The following AGBL1 variants were observed in gnomAD, a reference collection of about 807,000 sequenced individuals.
The protein encoded by AGBL1 is cytosolic carboxypeptidase 4.
AGBL1 carries 130 observed loss-of-function variants against 118.9 expected under a neutral mutation model. That is an observed-to-expected ratio of 1.09 (90% CI 0.95 to 1.26). AGBL1 has a LOEUF of 1.26. AGBL1 is among the 50% of genes most tolerant of loss of function. AGBL1 has a pLI of 0.00. For missense variants in AGBL1, 1,584 were observed against 1,298.1 expected (o/e 1.22, Z -3.38); for synonymous variants, 555 against 478.9 (o/e 1.16, Z -2.08).
At chr15:86,085,171 A>G (rs1357093283) in intron 1 of AGBL1, among the ~76,000 whole-genome samples, 1 of 152,232 alleles carries the variant, frequency 6.6e-6, no homozygotes, top group Non-Finnish European at 1.5e-5. Flanking sequence ...AGAAAATTTT[A>G]TGGAAGTTGG....
intron 17 of AGBL1, among the ~76,000 whole-genome samples, chr15:86,348,316 G>A (rs559363100): frequency 3.9e-5 from 6 of 152,190 alleles, no homozygotes; most frequent in Non-Finnish European, 7.4e-5. Context: ...AACCAGCCCC[G>A]CCTTGACCCC....
chr15:86,387,336 G>T lies in AGBL1; in HGVS notation c.2375-10030G>T, dbSNP rs143913537. On this transcript the variant is annotated intron_variant, in intron 17 of 22. Coordinates refer to ENST00000614907, the MANE Select transcript of AGBL1 (RefSeq NM_001386094.1). ...GGAGTGACAGGAAAGGAGACCAATT[G>T]GCTGGGCCAGCTGGAGTGGGGTACA... Among the ~76,000 whole-genome samples, 124 of 152,286 alleles carry T rather than the reference G, an allele frequency of 8.1e-4. 3 individuals are homozygous for T. In the Middle Eastern group the frequency reaches 0.014, roughly 17 times the overall value.
upstream of AGBL1, chr15:86,079,724 T>A: frequency 5.9e-6 from 2 of 340,942 alleles, no homozygotes; most frequent in Non-Finnish European, 1.1e-5. Context: ...TCCCCACCCC[T>A]GCACCCAAAT....
chr15:86,285,875 T>C (rs894764329), intron 16 of AGBL1, among the ~76,000 whole-genome samples: 2 of 152,196 alleles, frequency 1.3e-5, no homozygotes, highest in African/African-American at 4.8e-5. Flanking sequence ...AGTGCTCATG[T>C]GCCCTATGAT....
intron 22 of AGBL1, among the ~76,000 whole-genome samples, chr15:86,870,454 CAAAAAAAAAAA>C (rs770556494): frequency 7.8e-5 from 5 of 64,112 alleles, no homozygotes; most frequent in Admixed American, 3.9e-4. Context: ...AAGCATACTG[CAAAAAAAAAAA>C]AAAAAAAAAA....
At chr15:86,760,381 G>A (rs528863502) in intron 22 of AGBL1, among the ~76,000 whole-genome samples, 1 of 151,954 alleles carries the variant, frequency 6.6e-6, no homozygotes, top group Non-Finnish European at 1.5e-5. Context: ...CTCCACACCC[G>A]CATTCTCCTA....
chr15:86,838,805 A>G (rs2079203691), intron 22 of AGBL1, among the ~76,000 whole-genome samples: 1 of 151,514 alleles, frequency 6.6e-6, no homozygotes, highest in South Asian at 2.1e-4. Flanking sequence ...ATAGTTGGAC[A>G]TGGTGGTGCA....
At chr15:86,107,257 A>G (rs971103071) in intron 1 of AGBL1, among the ~76,000 whole-genome samples, 4 of 152,190 alleles carry the variant, frequency 2.6e-5, no homozygotes, top group African/African-American at 9.6e-5. Context: ...TTCTGTTCTT[A>G]TTTCTTCTGC....
chr15:86,884,180 C>T (rs1402669302), intron 22 of AGBL1, among the ~76,000 whole-genome samples: 1 of 152,126 alleles, frequency 6.6e-6, no homozygotes, highest in African/African-American at 2.4e-5. Flanking sequence ...ATTATTAAGT[C>T]CAACAAAGGT....
At chr15:86,857,964 C>G (rs2079506586) in intron 22 of AGBL1, among the ~76,000 whole-genome samples, 1 of 152,202 alleles carries the variant, frequency 6.6e-6, no homozygotes, top group Non-Finnish European at 1.5e-5. Context: ...GTTTTGGGCT[C>G]TTGCTTTTAT....
intron 18 of AGBL1, among the ~76,000 whole-genome samples, chr15:86,410,176 A>G (rs932374889): frequency 6.6e-6 from 1 of 152,196 alleles, no homozygotes; most frequent in African/African-American, 2.4e-5. Context: ...CATAGCTCTG[A>G]GAACCCCCAC....
chr15:86,403,381 A>T (rs1299082939), intron 18 of AGBL1, among the ~76,000 whole-genome samples: 1 of 152,106 alleles, frequency 6.6e-6, no homozygotes, highest in South Asian at 2.1e-4. Context: ...AAGAGCAAAG[A>T]CTCCACTATA....
In AGBL1 at chr15:86,646,217, C is replaced by T. The variant is rs536348599; in HGVS notation, c.2995-28056C>T. On this transcript the variant is annotated intron_variant, in intron 21 of 22. Transcript: ENST00000614907. ...AGAAGGGAATTATCATGGTGTCAGGCATTATGGGTAATTCCATGTAAATGG... is the reference window on the plus strand; with the variant it reads ...AGAAGGGAATTATCATGGTGTCAGGTATTATGGGTAATTCCATGTAAATGG... Among the ~76,000 whole-genome samples the T allele has an allele frequency of 1.6e-4, 25 of 152,252 alleles. No homozygotes were observed. In the South Asian group the frequency reaches 5.0e-3, roughly 30 times the overall value.
chr15:86,756,636 G>A (rs1430034403), intron 22 of AGBL1, among the ~76,000 whole-genome samples: 1 of 152,074 alleles, frequency 6.6e-6, no homozygotes, highest in Non-Finnish European at 1.5e-5. Flanking sequence ...GAGAAGGAGG[G>A]TCTGGGGTGG....
chr15:86,266,931 C>T (rs561476463), intron 12 of AGBL1, 59 bp from the exon 13 acceptor site: 21 of 1,267,812 alleles, frequency 1.7e-5, no homozygotes, highest in South Asian at 1.3e-4. Flanking sequence ...AGAATCATCA[C>T]ACTGTTTTCA....
chr15:86,868,796 G>C (rs900606753), intron 22 of AGBL1, among the ~76,000 whole-genome samples: 2 of 152,068 alleles, frequency 1.3e-5, no homozygotes, highest in African/African-American at 4.8e-5. Flanking sequence ...GATATTGGTG[G>C]GGTGACAGAA....
intron 5 of AGBL1, among the ~76,000 whole-genome samples, chr15:86,176,387 C>A (rs985456182): frequency 6.6e-6 from 1 of 152,204 alleles, no homozygotes; most frequent in Admixed American, 6.5e-5. Flanking sequence ...CATGCATGTG[C>A]AGAGTGTCTG....
chr15:87,001,843 T>C (rs2081441754), intron 24 of AGBL1, among the ~76,000 whole-genome samples: 1 of 152,086 alleles, frequency 6.6e-6, no homozygotes. Flanking sequence ...TTCTTGTAAA[T>C]TTGTTTGAGT....
intron 5 of AGBL1, among the ~76,000 whole-genome samples, chr15:86,201,696 G>T (rs1329605032): frequency 2.6e-5 from 4 of 152,204 alleles, no homozygotes; most frequent in Non-Finnish European, 5.9e-5. Flanking sequence ...CAATGGAGCA[G>T]TGCAGCATTA....
Sources: allele counts gnomAD v4.1 joint callset (sites outside exome capture counted in the v4.1 genomes callset), GRCh38; gene constraint gnomAD v4.1.1; transcripts MANE v1.5; gene names NCBI Gene and HGNC (gene_info 2026-07-23, HGNC 2026-07-21).